FANCA: variants seen among roughly 807,000 people sequenced by gnomAD.
The protein encoded by FANCA is Fanconi anemia group A protein.
A neutral mutation model predicts 194.3 loss-of-function variants in FANCA; 236 were observed. The ratio of observed to expected loss-of-function variants is 1.21; its 90% confidence interval spans 1.09 to 1.35. FANCA has a LOEUF of 1.35. FANCA is among the 40% of genes most tolerant of loss of function. The pLI is 0.00. For synonymous variants in FANCA, 1,014 were observed against 715.8 expected, an observed-to-expected ratio of 1.42 and a Z score of -6.65; for missense variants, 2,628 against 1,813.9, an observed-to-expected ratio of 1.45 and a Z score of -8.15.
intron 30 of FANCA, 53 bp from the exon 31 acceptor site, chr16:89,752,275 G>C (rs756492472): frequency 2.0e-4 from 282 of 1,427,634 alleles, no homozygotes; most frequent in Non-Finnish European, 2.7e-4. Context: ...TAGTGCTGAA[G>C]TTCCCAGTTC....
chr16:89,804,416 G>A (rs747139110), intron 7 of FANCA, among the ~76,000 whole-genome samples: 2 of 152,140 alleles, frequency 1.3e-5, no homozygotes, highest in African/African-American at 2.4e-5. Flanking sequence ...AGAGACAGGT[G>A]GTGGGGCGGT....
chr16:89,738,191 C>T lies in FANCA; in HGVS notation c.*410G>A, dbSNP rs1373593248. On this transcript the variant is annotated 3_prime_UTR_variant, in exon 43 of 43. Coordinates refer to ENST00000389301, the MANE Select transcript of FANCA (RefSeq NM_000135.4). The stretch of plus-strand genomic sequence containing the variant: ...CTGGAGGCGGAACCACCACCTGGGC[C>T]ACCGAGCCCCTCTGTGACCACAGAG... The T allele has an allele frequency of 6.2e-7, 1 of 1,611,502 alleles. No individual in the cohort carries two copies. The highest frequency in any genetic ancestry group is 1.1e-5 in the South Asian group (1 of 90,888).
chr16:89,792,105 C>T (rs972486490), intron 12 of FANCA, 37 bp from the exon 13 acceptor site: 9 of 1,613,810 alleles, frequency 5.6e-6, no homozygotes, highest in Non-Finnish European at 7.6e-6. Context: ...AATATCCAAG[C>T]AAACCAATGT....
chr16:89,765,199 G>A, intron 27 of FANCA, 133 bp from the exon 28 acceptor site: 1 of 1,088,628 alleles, frequency 9.2e-7, no homozygotes. Flanking sequence ...CCTCAGTCCA[G>A]CCCCTGGGAG....
At chr16:89,812,344 AC>A (rs1184426737) in intron 3 of FANCA, among the ~76,000 whole-genome samples, 3 of 150,500 alleles carry the variant, frequency 2.0e-5, no homozygotes, top group Admixed American at 6.6e-5. Context: ...TCTCAAAAAA[AC>A]AAAACAAAAA....
intron 10 of FANCA, among the ~76,000 whole-genome samples, chr16:89,796,669 C>T (rs923334060): frequency 2.0e-5 from 3 of 152,178 alleles, no homozygotes; most frequent in African/African-American, 4.8e-5. Context: ...CAGACCCTCT[C>T]GTGAGGCTTA....
In FANCA at chr16:89,812,646, C is replaced by CAAAAAAAA. The variant is rs71137677; in HGVS notation, c.284-1583_284-1576dup. ...GGGTAACAAGAGCAATACTCCGTCT[C>CAAAAAAAA]AAAAAAAAAAAAAAAAAAAAAAAAC... is the stretch of plus-strand genomic sequence containing the variant. On this transcript the variant is annotated intron_variant, in intron 3 of 42. Coordinates refer to ENST00000389301, the MANE Select transcript of FANCA (RefSeq NM_000135.4). 2.6e-4 allele frequency among the ~76,000 whole-genome samples: 11 copies of CAAAAAAAA among 42,332 alleles called. No individual in the cohort carries two copies. In the South Asian group the frequency reaches 3.3e-3, roughly 13 times the overall value. 27.8% of individuals were successfully genotyped at this position (42,332 alleles called of 152,430 possible).
At chr16:89,794,052 A>C (rs976214135) in intron 11 of FANCA, among the ~76,000 whole-genome samples, 1 of 151,294 alleles carries the variant, frequency 6.6e-6, no homozygotes, top group Non-Finnish European at 1.5e-5. Context: ...TCCTGGCCAA[A>C]AAGTTGTGTT....
At chr16:89,744,900 T>G (rs959924195) in intron 36 of FANCA, 59 bp downstream of exon 36, 48 of 1,487,764 alleles carry the variant, frequency 3.2e-5, no homozygotes, top group Non-Finnish European at 4.4e-5. Flanking sequence ...GGAGATGACC[T>G]TGAGCAGGTC....
intron 29 of FANCA, among the ~76,000 whole-genome samples, chr16:89,759,361 A>C (rs2038872250): frequency 6.8e-6 from 1 of 146,974 alleles, no homozygotes; most frequent in Non-Finnish European, 1.5e-5. Context: ...TAGCCTGGAA[A>C]GTCACCTGAG....
At chr16:89,812,936 G>C (rs2040956272) in intron 3 of FANCA, among the ~76,000 whole-genome samples, 1 of 151,306 alleles carries the variant, frequency 6.6e-6, no homozygotes, top group African/African-American at 2.4e-5. Flanking sequence ...GGGAGGCTGA[G>C]GCAGGAGAAT....
intron 28 of FANCA, 42 bp from the exon 29 acceptor site, chr16:89,762,064 C>A: frequency 6.9e-7 from 1 of 1,452,448 alleles, no homozygotes; most frequent in Non-Finnish European, 9.7e-7. Context: ...GAGGACAGAA[C>A]ACACAATCCA....
chr16:89,745,189 G>A (rs1023562900), intron 35 of FANCA, 118 bp from the exon 36 acceptor site: 42 of 952,020 alleles, frequency 4.4e-5, no homozygotes, highest in Non-Finnish European at 1.3e-5. Context: ...CACTCGCCCT[G>A]CGCTCTGGAA....
chr16:89,753,032 C>T (rs1228333949), intron 30 of FANCA, among the ~76,000 whole-genome samples: 1 of 152,230 alleles, frequency 6.6e-6, no homozygotes, highest in Non-Finnish European at 1.5e-5. Flanking sequence ...TCCTAGTCCA[C>T]CTTCATGTTC....
intron 11 of FANCA, among the ~76,000 whole-genome samples, chr16:89,793,001 C>G (rs1162501405): frequency 6.6e-6 from 1 of 152,166 alleles, no homozygotes; most frequent in African/African-American, 2.4e-5. Flanking sequence ...AAGGCAGAGC[C>G]AGGTGTACAG....
At chr16:89,777,237 C>T (rs901181547) in intron 20 of FANCA, among the ~76,000 whole-genome samples, 2 of 151,506 alleles carry the variant, frequency 1.3e-5, no homozygotes, top group South Asian at 4.2e-4. Context: ...TCAAGGCTGG[C>T]TGGGTGTGGT....
chr16:89,777,613 G>C (rs1469787012), intron 20 of FANCA, among the ~76,000 whole-genome samples: 2 of 151,482 alleles, frequency 1.3e-5, no homozygotes. Flanking sequence ...TCTTCTTACA[G>C]GTCCCAGAAC....
intron 28 of FANCA, among the ~76,000 whole-genome samples, chr16:89,763,605 C>T (rs925603302): frequency 2.6e-5 from 4 of 152,066 alleles, no homozygotes; most frequent in African/African-American, 9.7e-5. Context: ...GCCCAGAGAC[C>T]CTGAGTGACC....
Position 89,746,856 on chromosome 16 carries a change from T to A in FANCA, c.3383A>T (p.Gln1128Leu). The A allele has an allele frequency of 6.4e-7, 1 of 1,562,692 alleles. No individual in the cohort carries two copies. The highest frequency in any genetic ancestry group is 2.4e-5 in the East Asian group (1 of 41,756). Reference sequence around the variant, plus strand: ...CCTGAAGAAGTGGGCAGTGATGTCCTGTGTCAGGGCACCTCCGTGGGAGCA... The same window carrying A: ...CCTGAAGAAGTGGGCAGTGATGTCCAGTGTCAGGGCACCTCCGTGGGAGCA... ...NFCSHGGALT[Q>L]DITAHFFRGL... Residue 1128 changes from glutamine to leucine, a missense_variant, in exon 34 of 43, where the codon CAG (glutamine) becomes CTG (leucine). By Grantham distance (113) the Gln-to-Leu change is moderately radical. Coordinates refer to ENST00000389301, the MANE Select transcript of FANCA (RefSeq NM_000135.4).
Sources: allele counts gnomAD v4.1 joint callset (sites outside exome capture counted in the v4.1 genomes callset), GRCh38; gene constraint gnomAD v4.1.1; transcripts MANE v1.5; gene names NCBI Gene and HGNC (gene_info 2026-07-23, HGNC 2026-07-21).